The following ESCO2 variants were observed in gnomAD, a reference collection of about 807,000 sequenced individuals.
ESCO2 encodes establishment of sister chromatid cohesion N-acetyltransferase 2.
ESCO2 carries 51 observed loss-of-function variants against 61.7 expected under a neutral mutation model. The observed-to-expected ratio is 0.83, with a 90% CI of 0.66 to 1.04. The LOEUF is 1.04. Among genes scored for constraint, ESCO2 ranks in the 50% least tolerant of loss-of-function variants. The pLI is 0.00. For missense variants in ESCO2, 692 were observed against 686.2 expected (o/e 1.01, Z -0.09); for synonymous variants, 230 against 238.2 (o/e 0.97, Z 0.32).
chr8:27,786,871 TTTTC>T (rs373091262), intron 5 of ESCO2, among the ~76,000 whole-genome samples: 1 of 148,882 alleles, frequency 6.7e-6, no homozygotes, highest in African/African-American at 2.5e-5. Context: ...TTTTTTTTTT[TTTTC>T]TTTCTTATTT....
chr8:27,772,552 C>T (rs114445285), upstream of ESCO2: 2,523 of 1,549,052 alleles, frequency 1.6e-3, 38 homozygotes, highest in African/African-American at 0.031. Context: ...ATCCCGGGAG[C>T]GGTGCGGTGA....
intron 9 of ESCO2, among the ~76,000 whole-genome samples, chr8:27,798,957 TG>T (rs1394505436): frequency 6.6e-6 from 1 of 152,216 alleles, no homozygotes; most frequent in African/African-American, 2.4e-5. Flanking sequence ...GGTAGTTAAA[TG>T]TATATACAGG....
At chr8:27,800,218 C>T (rs1162404534) in intron 10 of ESCO2, among the ~76,000 whole-genome samples, 7 of 152,140 alleles carry the variant, frequency 4.6e-5, no homozygotes, top group Admixed American at 2.0e-4. Context: ...ATCCATAGAA[C>T]GAGAGAAAAT....
At chr8:27,781,155 T>C (rs1042398969) in intron 4 of ESCO2, among the ~76,000 whole-genome samples, 1 of 152,192 alleles carries the variant, frequency 6.6e-6, no homozygotes, top group African/African-American at 2.4e-5. Context: ...ACCAAAACTT[T>C]ATTACTTAAT....
chr8:27,797,778 A>T (rs1805333272), intron 9 of ESCO2, among the ~76,000 whole-genome samples: 2 of 152,298 alleles, frequency 1.3e-5, no homozygotes, highest in East Asian at 3.9e-4. Context: ...AGCCTATTTT[A>T]AGCTGATAAC....
At chr8:27,798,408 G>A (rs533965285) in intron 9 of ESCO2, among the ~76,000 whole-genome samples, 3 of 151,946 alleles carry the variant, frequency 2.0e-5, no homozygotes, top group East Asian at 1.9e-4. Context: ...TGCAGTGAGC[G>A]AGATCGTGCC....
At chr8:27,808,034 C>A (rs1257337438), downstream of ESCO2, among the ~76,000 whole-genome samples, 1 of 152,108 alleles carries the variant, frequency 6.6e-6, no homozygotes, top group East Asian at 1.9e-4. Flanking sequence ...GTTTGAGGCA[C>A]CTCGTTTATG....
At chr8:27,772,157 C>T (rs1233646104), upstream of ESCO2, 6 of 380,396 alleles carry the variant, frequency 1.6e-5, no homozygotes, top group African/African-American at 2.1e-5. Flanking sequence ...AGAACAAAGG[C>T]CGCAGATGGA....
chr8:27,814,816 TGTTA>T (rs920139550), downstream of ESCO2, among the ~76,000 whole-genome samples: 1 of 152,194 alleles, frequency 6.6e-6, no homozygotes, highest in African/African-American at 2.4e-5. Flanking sequence ...TTAGATATCT[TGTTA>T]GTGATTTCTA....
At chr8:27,784,362 C>T (rs1056303915) in intron 5 of ESCO2, among the ~76,000 whole-genome samples, 2 of 152,144 alleles carry the variant, frequency 1.3e-5, no homozygotes, top group Admixed American at 1.3e-4. Flanking sequence ...TTCACAACAA[C>T]TTAGAAGTTA....
At chr8:27,810,703 C>CT (rs1409104152), downstream of ESCO2, among the ~76,000 whole-genome samples, 2 of 152,078 alleles carry the variant, frequency 1.3e-5, no homozygotes, top group Non-Finnish European at 2.9e-5. Flanking sequence ...TCGACCCCTA[C>CT]TTTTACCCTT....
chr8:27,795,752 T>C (rs1228060989), intron 9 of ESCO2, among the ~76,000 whole-genome samples: 1 of 152,208 alleles, frequency 6.6e-6, no homozygotes, highest in African/African-American at 2.4e-5. Flanking sequence ...ATTGAGATGA[T>C]CATATAGTTT....
chr8:27,797,931 T>C (rs1805337741), intron 9 of ESCO2, among the ~76,000 whole-genome samples: 1 of 152,210 alleles, frequency 6.6e-6, no homozygotes, highest in Non-Finnish European at 1.5e-5. Context: ...TATGTCCTGA[T>C]AATAGGCAAG....
At position 27,787,920 on chromosome 8, in the gene ESCO2, TC is replaced by T; in HGVS notation, c.1050del (p.Asn351ThrfsTer3). On this transcript the variant is annotated frameshift_variant, in exon 6 of 11. Transcript: ENST00000305188. LOFTEE classifies it high-confidence loss of function. ...LGEEQFSVGS[V>X]NFMKQTNIQK... ...GAAGAACAGTTTTCTGTGGGATCTG[TC>T]AACTTCATGAAACAGACCAATATCC... 1 of 1,613,730 alleles carries T rather than the reference TC, an allele frequency of 6.2e-7. No homozygotes were observed. Among genetic ancestry groups the T allele is most frequent in the Non-Finnish European group, 8.5e-7 (1 of 1,179,848 alleles).
chr8:27,778,831 TTG>T (rs1177536073), intron 3 of ESCO2: 1 of 152,254 alleles, frequency 6.6e-6, no homozygotes, highest in Non-Finnish European at 1.5e-5. Flanking sequence ...CATTTTAAAT[TTG>T]TGGAACGGGG....
At chr8:27,794,907 A>G (rs1479086755) in intron 9 of ESCO2, among the ~76,000 whole-genome samples, 1 of 151,930 alleles carries the variant, frequency 6.6e-6, no homozygotes, top group Non-Finnish European at 1.5e-5. Flanking sequence ...GATTTATTTT[A>G]TCTGTTTTGT....
intron 9 of ESCO2, 127 bp from the exon 10 acceptor site, chr8:27,799,414 G>A (rs1805374016): frequency 3.0e-6 from 3 of 1,003,202 alleles, no homozygotes; most frequent in Non-Finnish European, 4.6e-6. Flanking sequence ...TTAAGAAATA[G>A]AAAATATTTT....
chr8:27,786,733 T>C (rs2128954337), intron 5 of ESCO2, among the ~76,000 whole-genome samples: 1 of 151,860 alleles, frequency 6.6e-6, no homozygotes, highest in Admixed American at 6.6e-5. Flanking sequence ...TTCAGACAAA[T>C]GGTAAGAAGA....
Position 27,776,494 on chromosome 8 carries a change from A to T in ESCO2, c.186A>T (p.Thr62=). ...ATTTTGTTTTAAGTGCGCTCAAAAC[A>T]ACTGAAATAAATAGACTGCCATCAG... The part of the protein sequence containing the change: ...QEHFVLSALK[T]TEINRLPSAN... The change falls in exon 3 of 11, where the codon ACA becomes ACT. Residue 62 remains threonine (T), a synonymous_variant. Coordinates refer to ENST00000305188, the MANE Select transcript of ESCO2 (RefSeq NM_001017420.3). 6.2e-7 allele frequency: 1 copy of T among 1,613,586 alleles called. No homozygotes were observed. The highest frequency in any genetic ancestry group is 1.1e-5 in the South Asian group (1 of 90,792).
Sources: allele counts gnomAD v4.1 joint callset (sites outside exome capture counted in the v4.1 genomes callset), GRCh38; gene constraint gnomAD v4.1.1; transcripts MANE v1.5; gene names NCBI Gene and HGNC (gene_info 2026-07-23, HGNC 2026-07-21).